The following LRRC74A variants were observed in gnomAD, a reference collection of about 807,000 sequenced individuals.
LRRC74A encodes the protein leucine rich repeat containing 74A.
LRRC74A carries 44 observed loss-of-function variants against 57.9 expected under a neutral mutation model. The observed-to-expected ratio is 0.76, with a 90% CI of 0.60 to 0.98. The LOEUF is 0.98. Ranked by LOEUF, LRRC74A falls within the 50% of genes least tolerant of loss-of-function variation. LRRC74A has a pLI of 0.00. For missense variants in LRRC74A, 572 were observed against 574.0 expected (o/e 1.00, Z 0.04); for synonymous variants, 211 against 219.4 (o/e 0.96, Z 0.34).
intron 3 of LRRC74A, among the ~76,000 whole-genome samples, chr14:76,834,590 T>G (rs1446584593): frequency 6.6e-5 from 10 of 152,188 alleles, no homozygotes; most frequent in Admixed American, 6.5e-4. Context: ...CCCTTGCATG[T>G]GGGGGCAGCA....
At chr14:76,826,766 G>T (rs898964537) in intron 1 of LRRC74A, 32 bp downstream of exon 1, 2 of 1,413,504 alleles carry the variant, frequency 1.4e-6, no homozygotes, top group South Asian at 1.2e-5. Context: ...CACCACTCAG[G>T]CCCGTCCCTG....
chr14:76,834,236 T>C (rs994484175), intron 3 of LRRC74A, among the ~76,000 whole-genome samples: 2 of 152,202 alleles, frequency 1.3e-5, no homozygotes, highest in Non-Finnish European at 2.9e-5. Context: ...TCTTGAGATT[T>C]ATCAAGGGTG....
chr14:76,850,861 A>AAAAAAG lies in LRRC74A; in HGVS notation c.677-1501_677-1500insAAGAAA, dbSNP rs773711469. On this transcript the variant is annotated intron_variant, in intron 7 of 13. Transcript: ENST00000689127. The stretch of plus-strand genomic sequence containing the variant: ...CTCTGTCTCAAAAAAAAAAAAAAAA[A>AAAAAAG]AAAGAAAGAAAGAAAGAAAGAAAAG... Among the ~76,000 whole-genome samples, 757 of 96,258 alleles carry AAAAAAG rather than the reference A, an allele frequency of 7.9e-3. 8 individuals carry two copies. The highest frequency in any genetic ancestry group is 0.011 in the Non-Finnish European group (533 of 47,624). The allele number at this position is 96,258 out of a possible 152,430, so 63.1% of individuals were successfully genotyped here.
At chr14:76,856,230 C>T (rs1897866111) in intron 9 of LRRC74A, among the ~76,000 whole-genome samples, 1 of 152,198 alleles carries the variant, frequency 6.6e-6, no homozygotes, top group Non-Finnish European at 1.5e-5. Flanking sequence ...TTTTGCCCCC[C>T]TTCCTCAGAC....
intron 11 of LRRC74A, 108 bp from the exon 12 acceptor site, chr14:76,865,860 C>T: frequency 1.1e-6 from 1 of 874,488 alleles, no homozygotes; most frequent in African/African-American, 1.7e-5. Context: ...CCTTTTTAGC[C>T]TTGTTAGGCC....
intron 13 of LRRC74A, 104 bp from the exon 14 acceptor site, chr14:76,870,021 T>C: frequency 7.8e-7 from 1 of 1,283,408 alleles, no homozygotes; most frequent in East Asian, 2.5e-5. Context: ...CAGAGATGGG[T>C]TTACAAATGG....
At chr14:76,826,766 GCCCGTC>G in intron 1 of LRRC74A, 32 bp downstream of exon 1, 1 of 1,413,504 alleles carries the variant, frequency 7.1e-7, no homozygotes. Context: ...CACCACTCAG[GCCCGTC>G]CCTGCTGCCT....
chr14:76,844,578 T>C, intron 6 of LRRC74A, 106 bp downstream of exon 6: 1 of 1,200,952 alleles, frequency 8.3e-7, no homozygotes, highest in Non-Finnish European at 1.2e-6. Context: ...TTTCACATGT[T>C]AGGGACTGGG....
rs944674444 is a variant in LRRC74A at position 76,828,425 on chromosome 14, C to A, written c.166+6C>A. 6.2e-7 allele frequency: 1 copy of A among 1,613,918 alleles called. No homozygotes were observed. Among genetic ancestry groups the A allele is most frequent in the African/African-American group, 1.3e-5 (1 of 75,038 alleles). On this transcript the variant is annotated splice_donor_region_variant and intron_variant, in intron 2 of 13. Transcript: ENST00000689127. ...AACAGACCTGGAGATTGAAGGCGAG[C>A]ATGGGCATTTGGGGGCAGTCAGGGC...
chr14:76,833,382 T>C (rs529153502), intron 3 of LRRC74A, among the ~76,000 whole-genome samples: 88 of 151,510 alleles, frequency 5.8e-4, no homozygotes, highest in Middle Eastern at 3.4e-3. Flanking sequence ...GTTCTTACAG[T>C]ACAATAAGGT....
intron 13 of LRRC74A, among the ~76,000 whole-genome samples, chr14:76,868,848 C>A (rs777204724): frequency 1.1e-4 from 17 of 152,246 alleles, no homozygotes; most frequent in Non-Finnish European, 1.8e-4. Context: ...AACAAGGCTG[C>A]GGCTGTGCGC....
chr14:76,826,617 G>T lies in LRRC74A; in HGVS notation c.-81G>T, dbSNP rs367555116. ...AGTTCACAGAGTTTGAGACAGAGGT[G>T]AATGGACAGGTGTGCTTCTTAGGGA... On this transcript the variant is annotated 5_prime_UTR_variant, in exon 1 of 14. An upstream open reading frame in the 5' UTR loses its in-frame stop. Transcript: ENST00000689127. 2 of 1,611,954 alleles carry T rather than the reference G, an allele frequency of 1.2e-6. No homozygotes were observed. Among genetic ancestry groups the T allele is most frequent in the African/African-American group, 2.7e-5 (2 of 74,914 alleles).
intron 11 of LRRC74A, 38 bp from the exon 12 acceptor site, chr14:76,865,930 A>G (rs1264631795): frequency 1.4e-6 from 2 of 1,448,548 alleles, no homozygotes; most frequent in African/African-American, 2.8e-5. Context: ...TTGTTACAAG[A>G]CCAAGTGTTT....
At position 76,826,564 on chromosome 14, in the gene LRRC74A, C is replaced by A. The variant is rs1348669426; in HGVS notation, c.-134C>A. 1 of 1,612,666 alleles carries A rather than the reference C, an allele frequency of 6.2e-7. No individual in the cohort carries two copies. The highest frequency in any genetic ancestry group is 1.7e-5 in the Admixed American group (1 of 59,872). On this transcript the variant is annotated 5_prime_UTR_variant, in exon 1 of 14. Coordinates refer to ENST00000689127, the MANE Select transcript of LRRC74A (RefSeq NM_001385106.1). Reference sequence around the variant, plus strand: ...GCTGGGAGGGAAGGATAACTGCAGGCTCCCCTGGGATGCCCCCAGGTGAGG... The same window carrying A: ...GCTGGGAGGGAAGGATAACTGCAGGATCCCCTGGGATGCCCCCAGGTGAGG...
At chr14:76,865,768 C>G (rs1045810707) in intron 11 of LRRC74A, among the ~76,000 whole-genome samples, 200 bp from the exon 12 acceptor site, 1 of 152,216 alleles carries the variant, frequency 6.6e-6, no homozygotes, top group African/African-American at 2.4e-5. Context: ...CTTTGCCATG[C>G]CTGGTGGGTC....
In LRRC74A at chr14:76,867,454, G is replaced by A. The variant is rs751764802; in HGVS notation, c.1391+16G>A. 2.8e-5 allele frequency: 42 copies of A among 1,474,616 alleles called. No homozygotes were observed. Among genetic ancestry groups the A allele is most frequent in the South Asian group, 1.4e-4 (12 of 87,830 alleles). The allele number at this position is 1,474,616 out of a possible 1,614,324, so 91.3% of individuals were successfully genotyped here. On this transcript the variant is annotated intron_variant, in intron 13 of 13. Transcript: ENST00000689127. ...TGAACTTCAGGTCAGCCCAGGCCCC[G>A]CGACGATCCCCGTTCTCTGCAAGGG...
chr14:76,842,333 A>G (rs953753523), intron 5 of LRRC74A, among the ~76,000 whole-genome samples: 2 of 152,208 alleles, frequency 1.3e-5, no homozygotes, highest in African/African-American at 4.8e-5. Flanking sequence ...TATATCTCCT[A>G]ATTATTTTTC....
intron 2 of LRRC74A, 61 bp downstream of exon 2, chr14:76,828,480 G>A: frequency 6.2e-7 from 1 of 1,609,372 alleles, no homozygotes; most frequent in Non-Finnish European, 8.5e-7. Context: ...GAGAAATCTG[G>A]TTTCCAGGAG....
chr14:76,868,470 A>G (rs1000512969), intron 13 of LRRC74A, among the ~76,000 whole-genome samples: 2 of 152,218 alleles, frequency 1.3e-5, no homozygotes, highest in African/African-American at 4.8e-5. Context: ...CCCTGTCTCA[A>G]AAATAAAAAA....
Sources: gnomAD v4.1 joint callset for allele counts (sites outside exome capture counted in the v4.1 genomes callset) on GRCh38, gnomAD v4.1.1 for gene constraint, MANE v1.5 for transcripts, NCBI Gene and HGNC (gene_info 2026-07-23, HGNC 2026-07-21) for gene names.